Variants in NHEJ1 observed in about 807,000 individuals in gnomAD.
NHEJ1 encodes the protein non-homologous end-joining factor 1.
NHEJ1 carries 22 observed loss-of-function variants against 39.4 expected under a neutral mutation model. That is an observed-to-expected ratio of 0.56 (90% CI 0.40 to 0.80). NHEJ1 has a LOEUF of 0.80. Ranked by LOEUF, NHEJ1 falls within the 30% of genes least tolerant of loss-of-function variation. The pLI, the probability that NHEJ1 is intolerant of heterozygous loss-of-function variation, is 0.00. For synonymous variants in NHEJ1, 154 were observed against 135.6 expected (o/e 1.14, Z -0.94); for missense variants, 329 against 357.1 (o/e 0.92, Z 0.63).
At position 219,111,239 on chromosome 2, in the gene NHEJ1, G is replaced by T. The variant is rs749810416; in HGVS notation, c.589-33033C>A. On this transcript the variant is annotated intron_variant, in intron 5 of 7. Coordinates refer to ENST00000356853, the MANE Select transcript of NHEJ1 (RefSeq NM_024782.3). This position sits in a 1 kb window ranked among gnomAD's most constrained non-coding sequence, Gnocchi z 4.1. ...AAGCATAGACTACTAAAAGGTGGAAGCCAGATTTATCTCACCCATTCTCCT... is the reference window on the plus strand; with the variant it reads ...AAGCATAGACTACTAAAAGGTGGAATCCAGATTTATCTCACCCATTCTCCT... 6.6e-6 allele frequency among the ~76,000 whole-genome samples: 1 copy of T among 152,158 alleles called. No homozygotes were observed. Among genetic ancestry groups the T allele is most frequent in the African/African-American group, 2.4e-5 (1 of 41,430 alleles).
chr2:219,085,767 T>C (rs1949106193), intron 5 of NHEJ1, among the ~76,000 whole-genome samples: 1 of 141,322 alleles, frequency 7.1e-6, no homozygotes, highest in Non-Finnish European at 1.5e-5. Flanking sequence ...GATGCAGCCA[T>C]ACAGTCATAT....
chr2:219,104,232 C>T lies in NHEJ1; in HGVS notation c.589-26026G>A, dbSNP rs568062707. Among the ~76,000 whole-genome samples, 7 of 152,254 alleles carry T rather than the reference C, an allele frequency of 4.6e-5. No homozygotes were observed. The East Asian group carries it at 1.3e-3, about 29-fold the overall frequency. On this transcript the variant is annotated intron_variant, in intron 5 of 7. Transcript: ENST00000356853. ...CAACCTGCAGGGCCAAACATGGTGG[C>T]CCCAGGACCAGGTACAGACTGAAGG...
chr2:219,118,144 T>G (rs1949433371), intron 5 of NHEJ1, among the ~76,000 whole-genome samples: 1 of 152,182 alleles, frequency 6.6e-6, no homozygotes, highest in South Asian at 2.1e-4. Flanking sequence ...CTTCATGACT[T>G]TGAACTCACA....
chr2:219,126,915 T>A (rs911123246), intron 5 of NHEJ1, among the ~76,000 whole-genome samples: 3 of 152,170 alleles, frequency 2.0e-5, no homozygotes, highest in African/African-American at 7.2e-5. Flanking sequence ...CTCTAGCAAC[T>A]GATAGCAGTT....
In NHEJ1 at chr2:219,078,192, T is replaced by G; in HGVS notation, c.603A>C (p.Ala201=). The G allele has an allele frequency of 6.2e-7, 1 of 1,614,108 alleles. No individual in the cohort carries two copies. Among genetic ancestry groups the G allele is most frequent in the South Asian group, 1.1e-5 (1 of 91,088 alleles). Residue 201 remains alanine (A), a synonymous_variant, in exon 6 of 8, where the codon GCA becomes GCC. Transcript: ENST00000356853. ...EQFMIEKLPE[A]CSIGDGKPFV... ...AGGGCTTTCCATCACCAATGCTGCA[T>G]GCCTCTGGCAGTTTCTGTAAGAGAG...
At chr2:219,155,965 T>C (rs1949850647) in intron 3 of NHEJ1, among the ~76,000 whole-genome samples, 1 of 141,112 alleles carries the variant, frequency 7.1e-6, no homozygotes, top group Non-Finnish European at 1.5e-5. Context: ...AAAATAAGCA[T>C]CAGGCCGGGT....
intron 5 of NHEJ1, among the ~76,000 whole-genome samples, chr2:219,122,905 T>C (rs1008719165): frequency 2.6e-5 from 4 of 152,134 alleles, no homozygotes; most frequent in Admixed American, 1.3e-4. Context: ...TACATCCCCA[T>C]GGGGAGTAAA....
chr2:219,080,135 C>G (rs1949049060), intron 5 of NHEJ1, among the ~76,000 whole-genome samples: 1 of 152,220 alleles, frequency 6.6e-6, no homozygotes, highest in Non-Finnish European at 1.5e-5. Context: ...TGTCCTTCCC[C>G]TTCTCAGAGA....
At chr2:219,098,276 T>C (rs944942757) in intron 5 of NHEJ1, among the ~76,000 whole-genome samples, 3 of 152,154 alleles carry the variant, frequency 2.0e-5, no homozygotes, top group East Asian at 1.9e-4. Flanking sequence ...GGAGTGAAGA[T>C]GTAGGGTGGT....
chr2:219,121,070 C>A (rs1169938045), intron 5 of NHEJ1, among the ~76,000 whole-genome samples: 1 of 151,942 alleles, frequency 6.6e-6, no homozygotes, highest in Non-Finnish European at 1.5e-5. Context: ...GTGGTGCATG[C>A]CGGTGCATGC....
At chr2:219,157,107 G>T (rs1292878308) in intron 3 of NHEJ1, among the ~76,000 whole-genome samples, 1 of 152,110 alleles carries the variant, frequency 6.6e-6, no homozygotes, top group East Asian at 1.9e-4. Flanking sequence ...ACCATCCAGG[G>T]TCTACCTCAA....
chr2:219,157,228 A>G (rs1193172148), intron 3 of NHEJ1, among the ~76,000 whole-genome samples: 1 of 152,220 alleles, frequency 6.6e-6, no homozygotes, highest in African/African-American at 2.4e-5. Context: ...CAATTAGCCC[A>G]TTGTAGATGC....
Position 219,149,037 on chromosome 2 carries a change from C to T in NHEJ1, c.391-1242G>A, listed in dbSNP as rs956061463. On this transcript the variant is annotated intron_variant, in intron 3 of 7. Transcript: ENST00000356853. The stretch of plus-strand genomic sequence containing the variant: ...TAGCTGAGATTACAGGCATGCACCA[C>T]GATGCCCGGCTAATTTTTGTATTTT... Among the ~76,000 whole-genome samples the T allele has an allele frequency of 3.9e-5, 6 of 152,018 alleles. No homozygotes were observed. The South Asian group carries it at 6.2e-4, about 16-fold the overall frequency.
At chr2:219,160,578 C>T (rs1949924529) in intron 1 of NHEJ1, 142 bp downstream of exon 1, 1 of 152,264 alleles carries the variant, frequency 6.6e-6, no homozygotes, top group Admixed American at 6.5e-5. Context: ...CCCCGCCCAC[C>T]CCTCCCCCGG....
Position 219,074,969 on chromosome 2 carries a change from C to A in NHEJ1, c.*1412G>T, listed in dbSNP as rs1467214871. Among the ~76,000 whole-genome samples the A allele has an allele frequency of 2.0e-5, 3 of 152,112 alleles. No homozygotes were observed. The highest frequency in any genetic ancestry group is 4.4e-5 in the Non-Finnish European group (3 of 68,020). On this transcript the variant is annotated 3_prime_UTR_variant, in exon 8 of 8. Coordinates refer to ENST00000356853, the MANE Select transcript of NHEJ1 (RefSeq NM_024782.3). ...GGGTAAGTCCTGGAGTCCTCAAGAG[C>A]TCCTTCCTTGAAGAGCCCCTGGGGA...
At chr2:219,083,029 G>A (rs1291349213) in intron 5 of NHEJ1, among the ~76,000 whole-genome samples, 1 of 152,196 alleles carries the variant, frequency 6.6e-6, no homozygotes, top group African/African-American at 2.4e-5. Flanking sequence ...AGACTCTAAT[G>A]AGAAGGACTC....
chr2:219,088,394 G>A (rs1193118806), intron 5 of NHEJ1, among the ~76,000 whole-genome samples: 5 of 152,270 alleles, frequency 3.3e-5, no homozygotes, highest in East Asian at 1.9e-4. Context: ...TTGGGAGGCC[G>A]AGGCAGGAGG....
At chr2:219,150,406 G>C (rs545845514) in intron 3 of NHEJ1, among the ~76,000 whole-genome samples, 1 of 152,282 alleles carries the variant, frequency 6.6e-6, no homozygotes, top group South Asian at 2.1e-4. Context: ...TCCCAATTGA[G>C]GTCCTTAGCA....
At chr2:219,099,798 GC>G (rs781675759) in intron 5 of NHEJ1, among the ~76,000 whole-genome samples, 6 of 152,172 alleles carry the variant, frequency 3.9e-5, no homozygotes, top group Non-Finnish European at 7.3e-5. Context: ...TTAGGGGAAG[GC>G]CAGGTTTCTC....
Sources: gnomAD v4.1 joint callset for allele counts (sites outside exome capture counted in the v4.1 genomes callset) on GRCh38, gnomAD v4.1.1 for gene constraint, Gnocchi (gnomAD v3.1) non-coding constraint, MANE v1.5 for transcripts, NCBI Gene and HGNC (gene_info 2026-07-23, HGNC 2026-07-21) for gene names.